Variants in CCDC32 observed in about 807,000 individuals in gnomAD.
CCDC32 encodes coiled-coil domain containing 32.
CCDC32 carries 9 observed loss-of-function variants against 20.1 expected under a neutral mutation model. The ratio of observed to expected loss-of-function variants is 0.45; its 90% CI spans 0.27 to 0.78. The LOEUF is 0.78. Among genes scored for constraint, CCDC32 ranks in the 30% least tolerant of loss-of-function variants. The pLI is 0.16. For synonymous variants in CCDC32, 63 were observed against 79.0 expected, an observed-to-expected ratio of 0.80 and a Z score of 1.07; for missense variants, 204 against 215.5, an observed-to-expected ratio of 0.95 and a Z score of 0.33.
chr15:40,541,389 G>A (rs1566979981), intron 3 of CCDC32, among the ~76,000 whole-genome samples: 1 of 150,980 alleles, frequency 6.6e-6, no homozygotes, highest in Admixed American at 6.6e-5. Context: ...CTGGAGTGCA[G>A]TGGCTCCATC....
At chr15:40,532,219 A>G (rs144060153), downstream of CCDC32, 98 of 691,356 alleles carry the variant, frequency 1.4e-4, 1 homozygote, top group East Asian at 2.5e-3. Context: ...GTGCGTTCAT[A>G]TGGAATGTCT....
At chr15:40,562,524 G>A (rs185184465) in intron 2 of CCDC32, among the ~76,000 whole-genome samples, 1 of 152,304 alleles carries the variant, frequency 6.6e-6, no homozygotes, top group African/African-American at 2.4e-5. Context: ...AGGTTGCCAT[G>A]AGCTAAGATC....
chr15:40,551,343 C>G (rs1012701714), downstream of CCDC32, among the ~76,000 whole-genome samples: 8 of 152,030 alleles, frequency 5.3e-5, no homozygotes, highest in Non-Finnish European at 1.0e-4. Context: ...GATGGCGCCA[C>G]TGCACTCCAG....
downstream of CCDC32, among the ~76,000 whole-genome samples, chr15:40,524,091 A>G (rs536574158): frequency 2.6e-5 from 4 of 152,078 alleles, no homozygotes; most frequent in East Asian, 7.7e-4. Context: ...ACAATTAAAG[A>G]CAAGTCAGTA....
At chr15:40,540,437 G>A (rs1299869375) in intron 3 of CCDC32, among the ~76,000 whole-genome samples, 9 of 149,090 alleles carry the variant, frequency 6.0e-5, no homozygotes, top group East Asian at 2.0e-4. Flanking sequence ...GCGTGATATC[G>A]GCTCACTGCA....
At chr15:40,526,447 C>T (rs1894901591), downstream of CCDC32, among the ~76,000 whole-genome samples, 1 of 152,150 alleles carries the variant, frequency 6.6e-6, no homozygotes, top group Admixed American at 6.6e-5. Context: ...ACATGGTAGT[C>T]CATAGCAAGG....
At chr15:40,539,082 C>T (rs552290197), downstream of CCDC32, 70 of 634,564 alleles carry the variant, frequency 1.1e-4, 1 homozygote, top group East Asian at 9.9e-4. Context: ...TCAGCTTCTC[C>T]CTTTCTTCAT....
At position 40,553,805 on chromosome 15, in the gene CCDC32, T is replaced by G; in HGVS notation, c.*166A>C. On this transcript the variant is annotated 3_prime_UTR_variant, in exon 4 of 4. Transcript: ENST00000416810. Reference sequence around the variant, plus strand: ...CCCTGGGGGCTTGCAGCTGTTTTCTTTGTGGAGTGGAAATTTGGGTTTTTT... The same window carrying G: ...CCCTGGGGGCTTGCAGCTGTTTTCTGTGTGGAGTGGAAATTTGGGTTTTTT... 1 of 1,395,106 alleles carries G rather than the reference T, an allele frequency of 7.2e-7. No homozygotes were observed. Among genetic ancestry groups the G allele is most frequent in the Non-Finnish European group, 9.3e-7 (1 of 1,075,274 alleles). 86.4% of individuals were successfully genotyped at this position (1,395,106 alleles called of 1,614,324 possible). A position where few individuals can be genotyped will look rare whatever the true frequency, so the allele number is the denominator to read the frequency against.
At chr15:40,526,776 G>C (rs1444539922), downstream of CCDC32, among the ~76,000 whole-genome samples, 2 of 152,154 alleles carry the variant, frequency 1.3e-5, no homozygotes, top group African/African-American at 2.4e-5. Context: ...AGCTGGGCAT[G>C]GTGGCATGTG....
At chr15:40,544,393 T>A (rs1889528983) in intron 3 of CCDC32, among the ~76,000 whole-genome samples, 2 of 152,080 alleles carry the variant, frequency 1.3e-5, no homozygotes, top group African/African-American at 4.8e-5. Context: ...TTAAATTTTT[T>A]TTTTGTAGAG....
downstream of CCDC32, among the ~76,000 whole-genome samples, chr15:40,527,234 G>A (rs569989650): frequency 6.6e-6 from 1 of 151,848 alleles, no homozygotes; most frequent in South Asian, 2.1e-4. Context: ...GCAGTGGCAC[G>A]ATCTCAGCTC....
At chr15:40,525,846 TC>T (rs1894893584), downstream of CCDC32, among the ~76,000 whole-genome samples, 1 of 152,296 alleles carries the variant, frequency 6.6e-6, no homozygotes, top group Admixed American at 6.5e-5. Flanking sequence ...TAATGTCTGG[TC>T]CACCCAATGC....
downstream of CCDC32, chr15:40,532,351 T>G (rs1206140771): frequency 2.9e-6 from 2 of 701,190 alleles, no homozygotes; most frequent in African/African-American, 3.5e-5. Flanking sequence ...GGCTCCATTT[T>G]GGATTGAAGA....
chr15:40,562,625 G>A, intron 2 of CCDC32, 147 bp downstream of exon 2: 1 of 862,116 alleles, frequency 1.2e-6, no homozygotes, highest in Non-Finnish European at 1.8e-6. Flanking sequence ...GGAAAAGGGG[G>A]CTGCTTCCCA....
intron 2 of CCDC32, among the ~76,000 whole-genome samples, chr15:40,561,182 A>C (rs546661734): frequency 6.6e-6 from 1 of 152,240 alleles, no homozygotes; most frequent in East Asian, 1.9e-4. Flanking sequence ...AGGTATACAA[A>C]GTGGTATATT....
downstream of CCDC32, among the ~76,000 whole-genome samples, chr15:40,530,462 C>T (rs2141595993): frequency 6.7e-6 from 1 of 150,182 alleles, no homozygotes; most frequent in African/African-American, 2.4e-5. Context: ...AGCCTGGCAC[C>T]TCCTCTCTCT....
downstream of CCDC32, among the ~76,000 whole-genome samples, chr15:40,551,874 C>T (rs1889889818): frequency 6.7e-6 from 1 of 149,552 alleles, no homozygotes; most frequent in Non-Finnish European, 1.5e-5. Context: ...AGGAAAGGGC[C>T]AGGCATGGTG....
chr15:40,539,424 A>G, intron 3 of CCDC32: 1 of 1,310,210 alleles, frequency 7.6e-7, no homozygotes, highest in Non-Finnish European at 1.1e-6. Flanking sequence ...ACACACTAAC[A>G]GAGTCAAAGA....
chr15:40,527,372 T>C (rs1022874316), downstream of CCDC32, among the ~76,000 whole-genome samples: 12 of 152,220 alleles, frequency 7.9e-5, no homozygotes, highest in Admixed American at 1.3e-4. Flanking sequence ...GGTTTCACCA[T>C]GTTGCCCAGG....
Sources: allele counts gnomAD v4.1 joint callset (sites outside exome capture counted in the v4.1 genomes callset), GRCh38; gene constraint gnomAD v4.1.1; transcripts MANE v1.5; gene names NCBI Gene and HGNC (gene_info 2026-07-23, HGNC 2026-07-21).